The following BCOR variants were observed in gnomAD, a reference collection of about 807,000 sequenced individuals.
BCOR encodes BCL6 corepressor, also known as BCL-6 corepressor.
A neutral mutation model predicts 86.7 loss-of-function variants in BCOR; 10 were observed. That is an observed-to-expected ratio of 0.12 (90% confidence interval 0.07 to 0.20). BCOR has a LOEUF of 0.20. BCOR is among the 10% of genes least tolerant of loss of function. The pLI is 1.00. For synonymous variants in BCOR, 611 were observed against 609.0 expected, an observed-to-expected ratio of 1.00 and a Z score of -0.05; for missense variants, 1,259 against 1,452.1, an observed-to-expected ratio of 0.87 and a Z score of 2.16.
At chrX:40,138,601 C>A (rs1456196934) in intron 1 of BCOR, among the ~76,000 whole-genome samples, 3 of 110,901 alleles carry the variant, frequency 2.7e-5, no homozygotes, top group Admixed American at 1.9e-4. Flanking sequence ...GTCACCCAGG[C>A]AGGAGTGTAG....
chrX:40,064,834 A>G (rs1053195392), intron 6 of BCOR, among the ~76,000 whole-genome samples: 6 of 111,235 alleles, frequency 5.4e-5, no homozygotes, highest in Non-Finnish European at 1.1e-4. Flanking sequence ...TGCATGTCAC[A>G]CTCCTGACTT....
At chrX:40,078,813 G>A (rs1157351169) in intron 1 of BCOR, among the ~76,000 whole-genome samples, 1 of 111,219 alleles carries the variant, frequency 9.0e-6, no homozygotes, top group Non-Finnish European at 1.9e-5. Context: ...GAGGAGCTCA[G>A]ACCACCACCC....
At chrX:40,133,131 CTTTT>C (rs1265187919) in intron 1 of BCOR, among the ~76,000 whole-genome samples, 1 of 108,741 alleles carries the variant, frequency 9.2e-6, no homozygotes, top group Non-Finnish European at 1.9e-5. Context: ...TCTTTTTTTT[CTTTT>C]TTTCTTTTTT....
At chrX:40,148,972 T>A (rs919282401) in intron 1 of BCOR, among the ~76,000 whole-genome samples, 18 of 110,961 alleles carry the variant, frequency 1.6e-4, no homozygotes, top group Non-Finnish European at 3.8e-5. Flanking sequence ...ACAGTCCAGT[T>A]AGGGAAGTCC....
At chrX:40,166,490 G>T (rs1338327837) in intron 1 of BCOR, among the ~76,000 whole-genome samples, 1 of 111,674 alleles carries the variant, frequency 9.0e-6, no homozygotes, top group Non-Finnish European at 1.9e-5. Flanking sequence ...CTGTTAATGA[G>T]GTCTGAACCC....
At chrX:40,140,208 A>G (rs1438067193) in intron 1 of BCOR, among the ~76,000 whole-genome samples, 1 of 108,855 alleles carries the variant, frequency 9.2e-6, no homozygotes, top group African/African-American at 3.4e-5. Context: ...CTGTAATCCC[A>G]GCACTTTGGG....
chrX:40,172,784 G>A (rs1255734334), intron 1 of BCOR, among the ~76,000 whole-genome samples: 3 of 113,000 alleles, frequency 2.7e-5, no homozygotes, highest in Non-Finnish European at 5.6e-5. Context: ...GGCGCGTCGG[G>A]AGCCAGGGGA....
At chrX:40,154,997 C>T (rs1034791924) in intron 1 of BCOR, among the ~76,000 whole-genome samples, 3 of 111,271 alleles carry the variant, frequency 2.7e-5, no homozygotes, top group Non-Finnish European at 5.7e-5. Flanking sequence ...CGCGCGTCCT[C>T]TCCGCCTGCC....
intron 1 of BCOR, among the ~76,000 whole-genome samples, chrX:40,159,083 G>A (rs1317631509): frequency 1.8e-5 from 2 of 111,060 alleles, no homozygotes; most frequent in African/African-American, 6.6e-5. Flanking sequence ...CAGTTCGGGG[G>A]GGAGGGGAGG....
At chrX:40,136,341 G>A (rs1937681235) in intron 1 of BCOR, among the ~76,000 whole-genome samples, 1 of 111,721 alleles carries the variant, frequency 9.0e-6, no homozygotes, top group African/African-American at 3.3e-5. Context: ...GTTTTGAGGT[G>A]GTTTGTGATA....
At chrX:40,151,349 C>T (rs1424348657) in intron 1 of BCOR, among the ~76,000 whole-genome samples, 3 of 112,499 alleles carry the variant, frequency 2.7e-5, no homozygotes, top group African/African-American at 9.7e-5. Context: ...TAATGTTTTC[C>T]TGGAATGAAC....
chrX:40,140,255 C>T (rs1397404127), intron 1 of BCOR, among the ~76,000 whole-genome samples: 14 of 104,171 alleles, frequency 1.3e-4, no homozygotes, highest in Non-Finnish European at 2.5e-4. Context: ...CCCAGGAGTT[C>T]GAGACCAGCC....
In BCOR at chrX:40,085,268, G is replaced by A. The variant is rs759691567; in HGVS notation, c.-40-7299C>T. 4.5e-5 allele frequency among the ~76,000 whole-genome samples: 5 copies of A among 112,338 alleles called. No homozygotes were observed. The South Asian group carries it at 1.1e-3, about 25-fold the overall frequency. On this transcript the variant is annotated intron_variant, in intron 1 of 14. Transcript: ENST00000378444. ...TTTGCTTGGGGGAAAAAAAGCCAAC[G>A]CGAGTCCCTCCTCACATGCACAAGT...
At chrX:40,124,448 T>C (rs1315166653) in intron 1 of BCOR, among the ~76,000 whole-genome samples, 1 of 109,947 alleles carries the variant, frequency 9.1e-6, no homozygotes, top group Non-Finnish European at 1.9e-5. Context: ...AATTTTCTTA[T>C]TTTTTGTAGA....
intron 1 of BCOR, among the ~76,000 whole-genome samples, chrX:40,119,956 G>A (rs1175719212): frequency 1.8e-5 from 2 of 109,038 alleles, no homozygotes; most frequent in East Asian, 2.9e-4. Context: ...GGTTGGGGGA[G>A]GGCAGTGTGC....
chrX:40,065,213 G>A (rs1000843019), intron 6 of BCOR, among the ~76,000 whole-genome samples: 12 of 112,365 alleles, frequency 1.1e-4, no homozygotes, highest in African/African-American at 3.9e-4. Flanking sequence ...AGGCCAGAGG[G>A]AGGCAGGGAA....
upstream of BCOR, among the ~76,000 whole-genome samples, chrX:40,099,507 A>G (rs1257242887): frequency 1.8e-5 from 2 of 112,118 alleles, no homozygotes; most frequent in Non-Finnish European, 3.8e-5. Flanking sequence ...TGAAACATAA[A>G]TCTGAAATGG....
At chrX:40,099,184 C>T (rs926451227), upstream of BCOR, among the ~76,000 whole-genome samples, 5 of 111,642 alleles carry the variant, frequency 4.5e-5, no homozygotes, top group African/African-American at 6.5e-5. Flanking sequence ...TGAGCTTCTC[C>T]AGCGCACCCG....
chrX:40,116,667 C>G (rs1203929883), intron 1 of BCOR, among the ~76,000 whole-genome samples: 1 of 111,852 alleles, frequency 8.9e-6, no homozygotes, highest in Non-Finnish European at 1.9e-5. Context: ...CGGTGCAACA[C>G]TAGCAACTAA....
Sources: allele counts gnomAD v4.1 joint callset (sites outside exome capture counted in the v4.1 genomes callset), GRCh38; gene constraint gnomAD v4.1.1; transcripts MANE v1.5; gene names NCBI Gene and HGNC (gene_info 2026-07-23, HGNC 2026-07-21).